The following USH2A variants were observed in gnomAD, a reference collection of about 807,000 sequenced individuals.
USH2A encodes Usher syndrome 2A (autosomal recessive, mild).
A neutral mutation model predicts 538.9 loss-of-function variants in USH2A; 443 were observed. That is an observed-to-expected ratio of 0.82 (90% CI 0.76 to 0.89). The LOEUF (loss-of-function observed/expected upper bound fraction) is 0.89, where lower values mean the gene tolerates loss of function less well. Ranked by LOEUF, USH2A falls within the 40% of genes least tolerant of loss-of-function variation. The pLI, the probability that USH2A is intolerant of heterozygous loss-of-function variation, is 0.00. For synonymous variants in USH2A, 2,413 were observed against 2,273.5 expected, an observed-to-expected ratio of 1.06 and a Z score of -1.75; for missense variants, 6,633 against 6,324.8, an observed-to-expected ratio of 1.05 and a Z score of -1.65.
In USH2A at chr1:215,900,075, T is replaced by A. The variant is rs2102469461; in HGVS notation, c.7594A>T (p.Lys2532Ter). 1 of 1,613,706 alleles carries A rather than the reference T, an allele frequency of 6.2e-7. No individual in the cohort carries two copies. The highest frequency in any genetic ancestry group is 8.5e-7 in the Non-Finnish European group (1 of 1,179,714). The change falls in exon 40 of 72, where the codon AAA (lysine) becomes TAA (stop). Residue 2532 changes from lysine to a stop codon, truncating the protein, a stop_gained and splice_region_variant. Coordinates refer to ENST00000307340, the MANE Select transcript of USH2A (RefSeq NM_206933.4). LOFTEE classifies it high-confidence loss of function. ...SWIPFMTAEDKPGPVVPPILL... is the reference protein window; with the variant it reads ...SWIPFMTAED The stretch of plus-strand genomic sequence containing the variant: ...GCTGTGTATTGTTCAGACCACTTAC[T>A]GTCCTCTGCGGTCATGAATGGAATC...
rs1283105792 is a variant in USH2A at position 215,900,131 on chromosome 1, G to A, written c.7538C>T (p.Ser2513Phe). Residue 2513 changes from serine to phenylalanine, a missense_variant, in exon 40 of 72, where the codon TCC becomes TTC. Ser to Phe is a radical substitution (Grantham distance 155, BLOSUM62 -2). Transcript: ENST00000307340. ...YTEYMFRLVASNGFGSAHSSW... is the reference protein window; with the variant it reads ...YTEYMFRLVAFNGFGSAHSSW... ...ACTATGTGCACTGCCAAATCCATTG[G>A]AGGCAACCAACCGAAACATATACTC... 1 of 1,613,628 alleles carries A rather than the reference G, an allele frequency of 6.2e-7. No individual in the cohort carries two copies. The highest frequency in any genetic ancestry group is 8.5e-7 in the Non-Finnish European group (1 of 1,179,792).
Position 216,365,074 on chromosome 1 carries a change from T to A in USH2A, c.663A>T (p.Thr221=). 1 of 1,613,024 alleles carries A rather than the reference T, an allele frequency of 6.2e-7. No individual in the cohort carries two copies. The highest frequency in any genetic ancestry group is 8.5e-7 in the Non-Finnish European group (1 of 1,179,376). ...WIHLSVQVHQ[T]KISFFINGVE... is the part of the protein sequence containing the mutation. ...CGCCATTGATAAAGAAGCTGATTTT[T>A]GTCTGATGCACCTGTAAGAAATTAC... Residue 221 remains threonine (T), a synonymous_variant, in exon 4 of 72, where the codon ACA becomes ACT. Transcript: ENST00000307340.
intron 47 of USH2A, among the ~76,000 whole-genome samples, chr1:215,829,872 A>G (rs554160694): frequency 7.3e-4 from 111 of 151,958 alleles, no homozygotes; most frequent in South Asian, 1.7e-3. Flanking sequence ...ACTGGGGGGG[A>G]AAAGGAAAGT....
rs757525434 is a variant in USH2A, at chr1:216,324,260, C to G, written c.1236G>C (p.Trp412Cys). ...CACCACAATTCCTGGCAAAATATTG[C>G]CAGTCCTCCCAATCTAAACTATTTT... ...KKENSLDWED[W>C]QYFARNCGAF... The change falls in exon 7 of 72, where the codon TGG becomes TGC. Residue 412 changes from tryptophan to cysteine, a missense_variant. Transcript: ENST00000307340. The G allele has an allele frequency of 5.0e-6, 8 of 1,613,196 alleles. No homozygotes were observed. Among genetic ancestry groups the G allele is most frequent in the Non-Finnish European group, 6.8e-6 (8 of 1,179,602 alleles).
At chr1:216,337,493 C>T (rs2037996148) in intron 4 of USH2A, among the ~76,000 whole-genome samples, 1 of 151,338 alleles carries the variant, frequency 6.6e-6, no homozygotes, top group African/African-American at 2.4e-5. Flanking sequence ...TTGAAAAATA[C>T]ATAATATACA....
In USH2A at chr1:215,838,099, T is replaced by TCAACCTG; in HGVS notation, c.9259-3_9262dup (p.Glu3088AlafsTer3). On this transcript the variant is annotated stop_gained and frameshift_variant, in exon 47 of 72. Transcript: ENST00000307340. LOFTEE classifies it high-confidence loss of function. ...CACGCAGGCATATATTGTGCAGACT[T>TCAACCTG]CAACCTGCAAACATTAGTTTAGAAA... is the stretch of plus-strand genomic sequence containing the variant. The TCAACCTG allele has an allele frequency of 6.2e-7, 1 of 1,613,040 alleles. No individual in the cohort carries two copies. The highest frequency in any genetic ancestry group is 8.5e-7 in the Non-Finnish European group (1 of 1,179,058).
At chr1:215,994,482 A>C (rs1668088248) in intron 34 of USH2A, among the ~76,000 whole-genome samples, 2 of 152,188 alleles carry the variant, frequency 1.3e-5, no homozygotes, top group Non-Finnish European at 2.9e-5. Flanking sequence ...GTTTATGGTC[A>C]ACAAACATGG....
At chr1:215,744,105 T>C (rs80150232) in intron 58 of USH2A, among the ~76,000 whole-genome samples, 2,671 of 152,334 alleles carry the variant, frequency 0.018, 51 homozygotes, top group Non-Finnish European at 0.025. Context: ...CCAATTTTGC[T>C]TGTGACAATA....
chr1:215,888,641 T>TA lies in USH2A; in HGVS notation c.8007dup (p.Thr2670TyrfsTer16), dbSNP rs1447419102. ...CTCCTCGGGAGAGTCACCAGGGTAG[T>TA]AACTTCTTCCTTTCCTTTGACTCTT... On this transcript the variant is annotated frameshift_variant, in exon 41 of 72. Transcript: ENST00000307340. LOFTEE classifies it high-confidence loss of function. 1 of 1,614,176 alleles carries TA rather than the reference T, an allele frequency of 6.2e-7. No homozygotes were observed. The highest frequency in any genetic ancestry group is 8.5e-7 in the Non-Finnish European group (1 of 1,180,020).
intron 9 of USH2A, among the ~76,000 whole-genome samples, chr1:216,313,594 T>C (rs748304857): frequency 7.9e-5 from 12 of 152,332 alleles, no homozygotes; most frequent in Middle Eastern, 6.8e-3. Context: ...TTTATCCACA[T>C]ATTTGCTGGT....
intron 61 of USH2A, among the ~76,000 whole-genome samples, chr1:215,688,801 A>C (rs1406631527): frequency 6.6e-6 from 1 of 152,024 alleles, no homozygotes; most frequent in Non-Finnish European, 1.5e-5. Context: ...CCCTATCTCC[A>C]AATACAGTCA....
rs201770382 is a variant in USH2A at position 216,421,914 on chromosome 1, A to C, written c.423T>G (p.Ser141=). The C allele has an allele frequency of 1.6e-5, 26 of 1,613,782 alleles. No homozygotes were observed. The highest frequency in any genetic ancestry group is 2.2e-5 in the Non-Finnish European group (26 of 1,179,908). Residue 141 remains serine (S), a synonymous_variant, in exon 2 of 72, where the codon TCT becomes TCG. Coordinates refer to ENST00000307340, the MANE Select transcript of USH2A (RefSeq NM_206933.4). ...NHKSCFSSPP[S]PKLMASFTLA... The stretch of plus-strand genomic sequence containing the variant: ...AGGTAAATGATGCCATCAGCTTTGG[A>C]GAAGGAGGAGAAGAAAAGCAGCTCT...
rs764553154 is a variant in USH2A at position 216,327,604 on chromosome 1, C to G, written c.835G>C (p.Ala279Pro). Residue 279 changes from alanine (A) to proline (P), a missense_variant, in exon 5 of 72, where the codon GCA becomes CCA. Coordinates refer to ENST00000307340, the MANE Select transcript of USH2A (RefSeq NM_206933.4). ...RMQDFRLYQV[A>P]LTNREILEVF... is the part of the protein sequence containing the mutation. ...ACATCTGCTTACCTGTTTGTAAGTG[C>G]CACTTGGTATAATCGAAAATCTTGC... 8.7e-6 allele frequency: 14 copies of G among 1,613,134 alleles called. No individual in the cohort carries two copies. The highest frequency in any genetic ancestry group is 1.1e-5 in the Non-Finnish European group (13 of 1,179,444).
rs528048627 is a variant in USH2A, at chr1:215,802,260, T to C, written c.9740-3135A>G. On this transcript the variant is annotated intron_variant, in intron 49 of 71. Coordinates refer to ENST00000307340, the MANE Select transcript of USH2A (RefSeq NM_206933.4). The stretch of plus-strand genomic sequence containing the variant: ...AAGCAGAAGCAATAAGGAAAAAAGA[T>C]GAATTGGATTCATCATAATTAATAT... Among the ~76,000 whole-genome samples the C allele has an allele frequency of 4.6e-5, 7 of 152,186 alleles. 1 individual carries two copies. In the South Asian group the frequency reaches 1.0e-3, roughly 23 times the overall value.
intron 21 of USH2A, among the ~76,000 whole-genome samples, chr1:216,137,674 A>C (rs529580630): frequency 2.0e-5 from 3 of 152,220 alleles, no homozygotes; most frequent in Admixed American, 6.5e-5. Flanking sequence ...CTGCCTGCTT[A>C]TATTCTAGCC....
At chr1:215,659,207 G>T (rs906336295) in intron 64 of USH2A, among the ~76,000 whole-genome samples, 2 of 152,194 alleles carry the variant, frequency 1.3e-5, no homozygotes, top group African/African-American at 4.8e-5. Flanking sequence ...TATCCAGGAG[G>T]TTCTCTCAAC....
chr1:215,975,609 A>C (rs984718979), intron 35 of USH2A, among the ~76,000 whole-genome samples: 1 of 152,180 alleles, frequency 6.6e-6, no homozygotes. Context: ...GACTTTGTAA[A>C]AGATCAGATA....
chr1:216,039,788 G>C (rs2030183518), intron 32 of USH2A, among the ~76,000 whole-genome samples: 1 of 151,768 alleles, frequency 6.6e-6, no homozygotes, highest in South Asian at 2.1e-4. Context: ...AAGCAATACA[G>C]CTTCTTCGTC....
intron 35 of USH2A, among the ~76,000 whole-genome samples, chr1:215,990,216 T>C (rs1667970687): frequency 6.6e-6 from 1 of 152,160 alleles, no homozygotes; most frequent in East Asian, 1.9e-4. Context: ...AATTCTTTGG[T>C]CAAATGCAAG....
Sources: gnomAD v4.1 joint callset for allele counts (sites outside exome capture counted in the v4.1 genomes callset) on GRCh38, gnomAD v4.1.1 for gene constraint, MANE v1.5 for transcripts, NCBI Gene and HGNC (gene_info 2026-07-23, HGNC 2026-07-21) for gene names.